Variants in CDC5L observed in about 807,000 individuals in gnomAD.
CDC5L encodes cell division cycle 5 like, also known as cell division cycle 5-like protein.
In CDC5L, 18 loss-of-function variants were observed where a neutral mutation model predicts 104.1. That is an observed-to-expected ratio of 0.17 (90% CI 0.12 to 0.26). The LOEUF (loss-of-function observed/expected upper bound fraction) is 0.26, where lower values mean the gene tolerates loss of function less well. Among genes scored for constraint, CDC5L ranks in the 10% least tolerant of loss-of-function variants. The pLI, the probability that CDC5L is intolerant of heterozygous loss-of-function variation, is 1.00. For missense variants in CDC5L, 673 were observed against 956.9 expected, an observed-to-expected ratio of 0.70 and a Z score of 3.91; for synonymous variants, 331 against 322.7, an observed-to-expected ratio of 1.03 and a Z score of -0.28.
At chr6:44,413,980 A>G (rs977633981) in intron 8 of CDC5L, among the ~76,000 whole-genome samples, 2 of 152,224 alleles carry the variant, frequency 1.3e-5, no homozygotes, top group Admixed American at 1.3e-4. Context: ...CCATCTTGTA[A>G]TCAAACAGAT....
chr6:44,419,664 A>C (rs1202886357), intron 9 of CDC5L, 67 bp downstream of exon 9: 4 of 1,253,518 alleles, frequency 3.2e-6, no homozygotes, highest in Non-Finnish European at 4.7e-6. Context: ...TATTTGCTTT[A>C]GTAATGTTTA....
chr6:44,419,780 C>A (rs6923521), intron 9 of CDC5L, among the ~76,000 whole-genome samples, 183 bp downstream of exon 9: 10 of 152,090 alleles, frequency 6.6e-5, no homozygotes, highest in East Asian at 1.9e-4. Context: ...GTGCCTCCCC[C>A]CCTTTCTTTA....
intron 14 of CDC5L, among the ~76,000 whole-genome samples, chr6:44,439,139 C>A (rs908287139): frequency 7.2e-5 from 11 of 152,124 alleles, no homozygotes; most frequent in African/African-American, 2.4e-4. Context: ...GCTTCTTTTA[C>A]TTAACATAAT....
intron 14 of CDC5L, among the ~76,000 whole-genome samples, chr6:44,438,178 G>A (rs1793022594): frequency 6.6e-6 from 1 of 152,124 alleles, no homozygotes; most frequent in African/African-American, 2.4e-5. Flanking sequence ...GAACTCCTGG[G>A]CTCAAGCGAT....
chr6:44,395,385 T>A (rs1790824361), intron 4 of CDC5L, among the ~76,000 whole-genome samples: 1 of 152,210 alleles, frequency 6.6e-6, no homozygotes, highest in Admixed American at 6.5e-5. Flanking sequence ...GATGTATCAG[T>A]TAACAGAATC....
chr6:44,406,619 A>G, intron 7 of CDC5L, 152 bp downstream of exon 7: 5 of 735,820 alleles, frequency 6.8e-6, no homozygotes, highest in Non-Finnish European at 1.1e-5. Flanking sequence ...AAAACAAGTA[A>G]TTGTGGGCTG....
At chr6:44,394,180 A>G (rs1237223572) in intron 4 of CDC5L, among the ~76,000 whole-genome samples, 1 of 152,146 alleles carries the variant, frequency 6.6e-6, no homozygotes, top group Non-Finnish European at 1.5e-5. Flanking sequence ...TCTTTAGCCC[A>G]GGAGTTGGAG....
chr6:44,445,538 G>A (rs1793408532), intron 14 of CDC5L, 117 bp from the exon 15 acceptor site: 1 of 648,334 alleles, frequency 1.5e-6, no homozygotes. Context: ...GCTATAAGGA[G>A]TTCTAGTGTA....
rs115806380 is a variant in CDC5L, at chr6:44,410,923, T to G, written c.1092+2291T>G. 7.9e-3 allele frequency among the ~76,000 whole-genome samples: 1,201 copies of G among 152,068 alleles called. 19 individuals carry two copies. The highest frequency in any genetic ancestry group is 0.028 in the African/African-American group (1,148 of 41,532). ...CTGATTTTGATTTATTTGTAGGAGGTTTTCTCAATTTTATCTTTATTCAGT... is the reference window on the plus strand; with the variant it reads ...CTGATTTTGATTTATTTGTAGGAGGGTTTCTCAATTTTATCTTTATTCAGT... On this transcript the variant is annotated intron_variant, in intron 8 of 15. Coordinates refer to ENST00000371477, the MANE Select transcript of CDC5L (RefSeq NM_001253.4).
At chr6:44,428,488 G>C (rs1379006887) in intron 13 of CDC5L, among the ~76,000 whole-genome samples, 1 of 152,126 alleles carries the variant, frequency 6.6e-6, no homozygotes, top group African/African-American at 2.4e-5. Context: ...ATGGAATTCT[G>C]TGTGTCTGGC....
intron 4 of CDC5L, among the ~76,000 whole-genome samples, chr6:44,394,682 C>G (rs1317867768): frequency 2.0e-5 from 3 of 151,100 alleles, no homozygotes; most frequent in African/African-American, 7.3e-5. Context: ...ATGGTGAAAC[C>G]CTGCCTCTAT....
chr6:44,412,347 C>A (rs1032886216), intron 8 of CDC5L, among the ~76,000 whole-genome samples: 5 of 151,124 alleles, frequency 3.3e-5, no homozygotes, highest in African/African-American at 1.2e-4. Flanking sequence ...TCCCATTACC[C>A]AGGCTGGAGT....
At chr6:44,394,817 C>G (rs58043614) in intron 4 of CDC5L, among the ~76,000 whole-genome samples, 1 of 104,256 alleles carries the variant, frequency 9.6e-6, no homozygotes, top group Non-Finnish European at 2.0e-5. Flanking sequence ...AGATCAAGCA[C>G]TGCACTCCAG....
chr6:44,391,706 A>C (rs1790630896), intron 2 of CDC5L, among the ~76,000 whole-genome samples: 1 of 152,014 alleles, frequency 6.6e-6, no homozygotes, highest in Non-Finnish European at 1.5e-5. Flanking sequence ...GTTAGGGGAA[A>C]GTATCAGAAT....
rs1463466750 is a variant in CDC5L at position 44,392,839 on chromosome 6, C to T, written c.311+11C>T. 6 of 1,608,518 alleles carry T rather than the reference C, an allele frequency of 3.7e-6. No homozygotes were observed. The African/African-American group carries it at 4.0e-5, about 11-fold the overall frequency. ...CTATGAATTTCTTCTGTAAGTGAGTCTTCAGAAAGAGCATAGAATATATGT... is the reference window on the plus strand; with the variant it reads ...CTATGAATTTCTTCTGTAAGTGAGTTTTCAGAAAGAGCATAGAATATATGT... On this transcript the variant is annotated intron_variant, in intron 3 of 15. Transcript: ENST00000371477.
At chr6:44,440,228 G>T (rs6913059) in intron 14 of CDC5L, among the ~76,000 whole-genome samples, 561 of 151,776 alleles carry the variant, frequency 3.7e-3, no homozygotes, top group African/African-American at 0.012. Context: ...CACCTCCCAT[G>T]GGCTTGACTT....
chr6:44,412,114 C>T (rs1791669733), intron 8 of CDC5L, among the ~76,000 whole-genome samples: 1 of 152,176 alleles, frequency 6.6e-6, no homozygotes, highest in Admixed American at 6.5e-5. Context: ...CCTGGTGGCC[C>T]TGAAGTGATG....
At chr6:44,427,853 A>G (rs761322642) in intron 13 of CDC5L, among the ~76,000 whole-genome samples, 1 of 152,234 alleles carries the variant, frequency 6.6e-6, no homozygotes, top group South Asian at 2.1e-4. Flanking sequence ...AAATTTTCCT[A>G]AATTGTATGT....
chr6:44,434,972 A>G (rs1006879427), intron 14 of CDC5L, among the ~76,000 whole-genome samples: 1 of 152,116 alleles, frequency 6.6e-6, no homozygotes, highest in African/African-American at 2.4e-5. Context: ...CTTTCTATAA[A>G]TAATACCTGT....
Sources: allele counts gnomAD v4.1 joint callset (sites outside exome capture counted in the v4.1 genomes callset), GRCh38; gene constraint gnomAD v4.1.1; transcripts MANE v1.5; gene names NCBI Gene and HGNC (gene_info 2026-07-23, HGNC 2026-07-21).